The following ROBO1 variants were observed in gnomAD, a reference collection of about 807,000 sequenced individuals.
The protein encoded by ROBO1 is roundabout homolog 1.
Under a neutral mutation model 195.9 loss-of-function variants are expected in ROBO1, and 149 were observed. That is an observed-to-expected ratio of 0.76 (90% CI 0.67 to 0.87). The LOEUF is 0.87. Ranked by LOEUF, ROBO1 falls within the 40% of genes least tolerant of loss-of-function variation. The pLI is 0.00. For synonymous variants in ROBO1, 816 were observed against 733.2 expected (o/e 1.11, Z -1.82); for missense variants, 1,933 against 2,068.3 (o/e 0.93, Z 1.27).
chr3:79,544,928 G>T (rs7647105), intron 2 of ROBO1, among the ~76,000 whole-genome samples: 1 of 151,736 alleles, frequency 6.6e-6, no homozygotes, highest in Non-Finnish European at 1.5e-5. Flanking sequence ...TTAACTAACA[G>T]GTTTTTCTGA....
chr3:78,859,665 A>C (rs1343575013), intron 4 of ROBO1, among the ~76,000 whole-genome samples: 5 of 152,198 alleles, frequency 3.3e-5, no homozygotes, highest in Admixed American at 1.3e-4. Context: ...AGAAATAAAA[A>C]CAATAAACAA....
At chr3:78,684,349 A>G (rs139925894) in intron 10 of ROBO1, among the ~76,000 whole-genome samples, 9 of 152,258 alleles carry the variant, frequency 5.9e-5, no homozygotes, top group African/African-American at 2.2e-4. Flanking sequence ...AATGATGATA[A>G]AAGTCAGAAA....
chr3:79,145,103 G>C (rs182466554), intron 2 of ROBO1, among the ~76,000 whole-genome samples: 1 of 151,646 alleles, frequency 6.6e-6, no homozygotes, highest in Non-Finnish European at 1.5e-5. Flanking sequence ...AAGTTGGTTT[G>C]GTTTGTCATC....
At chr3:78,647,432 T>C (rs1366684796) in intron 20 of ROBO1, among the ~76,000 whole-genome samples, 197 bp downstream of exon 20, 3 of 152,020 alleles carry the variant, frequency 2.0e-5, no homozygotes, top group Non-Finnish European at 4.4e-5. Flanking sequence ...AATAAATAAT[T>C]GCATCGAATG....
At chr3:79,512,484 G>A (rs1047268338) in intron 2 of ROBO1, among the ~76,000 whole-genome samples, 1 of 152,126 alleles carries the variant, frequency 6.6e-6, no homozygotes, top group Admixed American at 6.6e-5. Flanking sequence ...GTTACGTGCT[G>A]TGCAACTAAA....
At chr3:78,800,844 G>A (rs1003039274) in intron 4 of ROBO1, among the ~76,000 whole-genome samples, 2 of 152,100 alleles carry the variant, frequency 1.3e-5, no homozygotes, top group African/African-American at 2.4e-5. Context: ...GATTACAGTC[G>A]TGAGCCACCA....
intron 4 of ROBO1, among the ~76,000 whole-genome samples, chr3:78,864,220 T>C (rs1407180662): frequency 6.6e-6 from 1 of 152,176 alleles, no homozygotes; most frequent in Non-Finnish European, 1.5e-5. Context: ...CCATTTACCT[T>C]TTCTTGAACT....
intron 4 of ROBO1, among the ~76,000 whole-genome samples, chr3:78,769,794 T>C (rs1189415623): frequency 6.6e-6 from 1 of 152,144 alleles, no homozygotes; most frequent in Non-Finnish European, 1.5e-5. Context: ...CTCTCAGCCT[T>C]TGTTTGTCTG....
intron 3 of ROBO1, among the ~76,000 whole-genome samples, chr3:79,113,706 G>T (rs930255326): frequency 1.3e-5 from 2 of 152,060 alleles, no homozygotes; most frequent in Non-Finnish European, 2.9e-5. Context: ...GGTGGAGGTT[G>T]CAGTGAGCCG....
chr3:79,627,330 C>G (rs1945209840), intron 1 of ROBO1, among the ~76,000 whole-genome samples: 1 of 152,048 alleles, frequency 6.6e-6, no homozygotes, highest in South Asian at 2.1e-4. Context: ...AGAACAGAGA[C>G]CTCAGAAATA....
At chr3:78,678,054 C>A (rs1466303581) in intron 10 of ROBO1, among the ~76,000 whole-genome samples, 6 of 152,284 alleles carry the variant, frequency 3.9e-5, no homozygotes, top group South Asian at 2.1e-4. Flanking sequence ...GGAAACTGAA[C>A]AACCTGCTCC....
intron 21 of ROBO1, among the ~76,000 whole-genome samples, chr3:78,643,931 A>C (rs578070964): frequency 1.3e-3 from 204 of 152,268 alleles, no homozygotes; most frequent in African/African-American, 4.8e-3. Context: ...TAATGGATAC[A>C]GGAGGTCCAA....
intron 3 of ROBO1, among the ~76,000 whole-genome samples, chr3:78,977,198 C>T (rs762327951): frequency 1.3e-5 from 2 of 152,134 alleles, no homozygotes; most frequent in African/African-American, 4.8e-5. Context: ...TCCACAACCT[C>T]ATCTCAGTCT....
intron 3 of ROBO1, among the ~76,000 whole-genome samples, chr3:79,029,948 A>G (rs562233106): frequency 6.6e-6 from 1 of 152,316 alleles, no homozygotes; most frequent in South Asian, 2.1e-4. Context: ...CTTGCTTACC[A>G]ATGGTATTTT....
At position 78,819,526 on chromosome 3, in the gene ROBO1, C is replaced by A. The variant is rs146633943; in HGVS notation, c.500-72626G>T. Reference sequence around the variant, plus strand: ...TCCTAATACTTTTTAGTGAAAAGATCATCTTTTTTTCTAAACCTGTAATAT... The same window carrying A: ...TCCTAATACTTTTTAGTGAAAAGATAATCTTTTTTTCTAAACCTGTAATAT... On this transcript the variant is annotated intron_variant, in intron 4 of 30. Coordinates refer to ENST00000464233, the MANE Select transcript of ROBO1 (RefSeq NM_002941.4). Among the ~76,000 whole-genome samples the A allele has an allele frequency of 2.9e-3, 435 of 149,982 alleles. 3 individuals are homozygous for A. The highest frequency in any genetic ancestry group is 0.01 in the African/African-American group (410 of 40,812).
chr3:79,322,375 C>T (rs1167120699), intron 2 of ROBO1, among the ~76,000 whole-genome samples: 1 of 152,066 alleles, frequency 6.6e-6, no homozygotes, highest in East Asian at 1.9e-4. Flanking sequence ...ATATACTGAG[C>T]ATTATGGGAG....
In ROBO1 at chr3:79,589,818, A is replaced by C. The variant is rs113429038; in HGVS notation, c.88+6T>G. ...AGTATTGATGAAACAAATGCACAGC[A>C]CTTACCTGGAATAAGCTGGGCCAGA... On this transcript the variant is annotated splice_donor_region_variant and intron_variant, in intron 2 of 30. Coordinates refer to ENST00000464233, the MANE Select transcript of ROBO1 (RefSeq NM_002941.4). 3.7e-6 allele frequency: 6 copies of C among 1,607,762 alleles called. No individual in the cohort carries two copies. The highest frequency in any genetic ancestry group is 5.1e-6 in the Non-Finnish European group (6 of 1,175,014).
intron 3 of ROBO1, among the ~76,000 whole-genome samples, chr3:79,032,198 T>C (rs1298793713): frequency 6.6e-6 from 1 of 152,064 alleles, no homozygotes; most frequent in African/African-American, 2.4e-5. Flanking sequence ...ATAACAACGA[T>C]ATGTATTGAG....
intron 4 of ROBO1, among the ~76,000 whole-genome samples, chr3:78,774,027 G>T (rs2108443587): frequency 6.6e-6 from 1 of 152,250 alleles, no homozygotes; most frequent in East Asian, 1.9e-4. Flanking sequence ...CTTGGGAGAT[G>T]CACTCCTTTT....
Sources: allele counts gnomAD v4.1 joint callset (sites outside exome capture counted in the v4.1 genomes callset), GRCh38; gene constraint gnomAD v4.1.1; transcripts MANE v1.5; gene names NCBI Gene and HGNC (gene_info 2026-07-23, HGNC 2026-07-21).